Variants in GNA12 observed in about 807,000 individuals in gnomAD.
GNA12 encodes guanine nucleotide-binding protein subunit alpha-12.
A neutral mutation model predicts 26.0 loss-of-function variants in GNA12; 9 were observed. The observed-to-expected ratio is 0.35, with a 90% CI of 0.21 to 0.60. The LOEUF (loss-of-function observed/expected upper bound fraction) is 0.60. Among genes scored for constraint, GNA12 ranks in the 20% least tolerant of loss-of-function variants. The pLI is 0.78. For missense variants in GNA12, 405 were observed against 525.8 expected (o/e 0.77, Z 2.25); for synonymous variants, 264 against 219.6 (o/e 1.20, Z -1.79).
chr7:2,807,148 G>A (rs1792969239), intron 1 of GNA12, among the ~76,000 whole-genome samples: 1 of 152,162 alleles, frequency 6.6e-6, no homozygotes, highest in Middle Eastern at 3.4e-3. Flanking sequence ...GAGAAATCAG[G>A]ATAACTAGCA....
intron 2 of GNA12, among the ~76,000 whole-genome samples, chr7:2,747,046 A>C (rs564582466): frequency 2.0e-5 from 3 of 152,138 alleles, no homozygotes; most frequent in Non-Finnish European, 4.4e-5. Flanking sequence ...CAACCAAAAA[A>C]AGTCCAGGAG....
chr7:2,785,822 G>A (rs1299796299), intron 2 of GNA12, among the ~76,000 whole-genome samples: 1 of 152,138 alleles, frequency 6.6e-6, no homozygotes, highest in African/African-American at 2.4e-5. Context: ...TGAGGTGGGT[G>A]GATCACCTGA....
chr7:2,817,425 T>C (rs750650403), intron 1 of GNA12, among the ~76,000 whole-genome samples: 23 of 152,184 alleles, frequency 1.5e-4, no homozygotes, highest in Admixed American at 2.0e-4. Context: ...TACTCCACTT[T>C]AAATGAGAAT....
intron 2 of GNA12, among the ~76,000 whole-genome samples, chr7:2,735,997 A>C (rs798525): frequency 0.58 from 88,762 of 151,948 alleles, 26,190 homozygotes; most frequent in Non-Finnish European, 0.63. Context: ...CGGTTCACCA[A>C]CAGAGACTGG....
intron 2 of GNA12, among the ~76,000 whole-genome samples, chr7:2,769,117 T>C (rs1791885838): frequency 6.6e-6 from 1 of 152,116 alleles, no homozygotes; most frequent in East Asian, 1.9e-4. Flanking sequence ...GTAGCCAGGC[T>C]GGTCTCGAAC....
At chr7:2,735,532 G>T (rs1790125531) in intron 2 of GNA12, among the ~76,000 whole-genome samples, 2 of 152,152 alleles carry the variant, frequency 1.3e-5, no homozygotes, top group South Asian at 4.1e-4. Flanking sequence ...AAGCTCGATG[G>T]GAAGCAGAAA....
At chr7:2,750,062 TATG>T in intron 2 of GNA12, among the ~76,000 whole-genome samples, 1 of 152,180 alleles carries the variant, frequency 6.6e-6, no homozygotes, top group Non-Finnish European at 1.5e-5. Flanking sequence ...AAATTCCAAA[TATG>T]ATAAGTATGA....
chr7:2,825,564 G>A (rs192217332), intron 1 of GNA12, among the ~76,000 whole-genome samples: 47 of 152,340 alleles, frequency 3.1e-4, no homozygotes, highest in Non-Finnish European at 5.7e-4. Context: ...ATCTCAGAGA[G>A]GAGGAGAAGT....
Position 2,763,281 on chromosome 7 carries a change from G to A in GNA12, c.526-29780C>T, listed in dbSNP as rs1042472951. 1.6e-4 allele frequency: 37 copies of A among 230,240 alleles called. 1 individual carries two copies. Among genetic ancestry groups the A allele is most frequent in the African/African-American group, 8.5e-4 (36 of 42,582 alleles). 14.3% of individuals were successfully genotyped at this position (230,240 alleles called of 1,614,324 possible). On this transcript the variant is annotated intron_variant, in intron 2 of 3. Transcript: ENST00000275364. The stretch of plus-strand genomic sequence containing the variant: ...CATTTGCCTTCCCAGGCCCGTGGGA[G>A]GAGTGCTGTGAGGCTGAGACACAGC...
At chr7:2,832,497 G>A (rs886281423) in intron 1 of GNA12, among the ~76,000 whole-genome samples, 8 of 152,182 alleles carry the variant, frequency 5.3e-5, no homozygotes, top group Non-Finnish European at 7.3e-5. Context: ...TCACTGGAAC[G>A]TTCCACCACG....
At chr7:2,789,167 G>C (rs1320568894) in intron 2 of GNA12, among the ~76,000 whole-genome samples, 7 of 89,054 alleles carry the variant, frequency 7.9e-5, no homozygotes, top group Non-Finnish European at 1.5e-4. Flanking sequence ...ACGGAGTCTC[G>C]CTCTGTCGCC....
At chr7:2,811,016 A>C (rs1793069594) in intron 1 of GNA12, among the ~76,000 whole-genome samples, 1 of 152,194 alleles carries the variant, frequency 6.6e-6, no homozygotes, top group South Asian at 2.1e-4. Context: ...CAGCCTTTGG[A>C]GATGGCAAGT....
At chr7:2,736,463 C>T (rs1240886670) in intron 2 of GNA12, among the ~76,000 whole-genome samples, 3 of 152,196 alleles carry the variant, frequency 2.0e-5, no homozygotes, top group Admixed American at 1.3e-4. Flanking sequence ...AACTGTCCCA[C>T]GAATGTGTCT....
chr7:2,734,651 G>T (rs1447457763), intron 2 of GNA12, among the ~76,000 whole-genome samples: 1 of 152,234 alleles, frequency 6.6e-6, no homozygotes, highest in Non-Finnish European at 1.5e-5. Flanking sequence ...AAAGCAGAGA[G>T]GAAGCTCCTT....
At chr7:2,771,823 A>C (rs1791955593) in intron 2 of GNA12, among the ~76,000 whole-genome samples, 1 of 152,146 alleles carries the variant, frequency 6.6e-6, no homozygotes, top group South Asian at 2.1e-4. Flanking sequence ...TCATGTGATA[A>C]TTGTATGTTT....
intron 1 of GNA12, among the ~76,000 whole-genome samples, chr7:2,817,414 A>G (rs1793243075): frequency 6.6e-6 from 1 of 152,028 alleles, no homozygotes; most frequent in African/African-American, 2.4e-5. Context: ...CACCCGGCCC[A>G]TACTCCACTT....
intron 2 of GNA12, among the ~76,000 whole-genome samples, chr7:2,767,197 C>G (rs1791829673): frequency 6.6e-6 from 1 of 152,178 alleles, no homozygotes; most frequent in Non-Finnish European, 1.5e-5. Context: ...TGCCTTCTCA[C>G]TCTGTTGATT....
intron 1 of GNA12, among the ~76,000 whole-genome samples, chr7:2,816,983 C>G (rs1793232539): frequency 6.6e-6 from 1 of 152,140 alleles, no homozygotes; most frequent in Non-Finnish European, 1.5e-5. Flanking sequence ...ACTTCCACCT[C>G]CTACCCCTGG....
At chr7:2,741,340 G>A (rs934696313) in intron 2 of GNA12, among the ~76,000 whole-genome samples, 1 of 152,156 alleles carries the variant, frequency 6.6e-6, no homozygotes, top group Non-Finnish European at 1.5e-5. Context: ...GGGCAACAGA[G>A]TGAGACACTG....
Sources: allele counts gnomAD v4.1 joint callset (sites outside exome capture counted in the v4.1 genomes callset), GRCh38; gene constraint gnomAD v4.1.1; transcripts MANE v1.5; gene names NCBI Gene and HGNC (gene_info 2026-07-23, HGNC 2026-07-21).